The following KLHL4 variants were observed in gnomAD, a reference collection of about 807,000 sequenced individuals.
KLHL4 encodes kelch-like protein 4.
A neutral mutation model predicts 45.8 loss-of-function variants in KLHL4; 17 were observed. That is an observed-to-expected ratio of 0.37 (90% CI 0.25 to 0.56). The LOEUF is 0.56. Among genes scored for constraint, KLHL4 ranks in the 20% least tolerant of loss-of-function variants. The pLI is 0.79. For missense variants in KLHL4, 544 were observed against 544.9 expected (o/e 1.00, Z 0.02); for synonymous variants, 224 against 189.9 (o/e 1.18, Z -1.47).
At chrX:87,521,399 C>G (rs189178824) in intron 1 of KLHL4, among the ~76,000 whole-genome samples, 35 of 111,595 alleles carry the variant, frequency 3.1e-4, no homozygotes, top group Admixed American at 2.9e-3. Flanking sequence ...GTTCCAGGCA[C>G]TCTTCTAGAT....
chrX:87,530,672 C>A (rs1193167360), intron 1 of KLHL4, among the ~76,000 whole-genome samples: 1 of 106,677 alleles, frequency 9.4e-6, no homozygotes, highest in Non-Finnish European at 1.9e-5. Context: ...GTCTATCATT[C>A]TTGGACATTT....
intron 1 of KLHL4, among the ~76,000 whole-genome samples, chrX:87,524,445 T>G (rs1463633520): frequency 9.0e-6 from 1 of 111,701 alleles, no homozygotes; most frequent in Admixed American, 9.6e-5. Context: ...GTATGTACAC[T>G]TAGTGTGATG....
intron 3 of KLHL4, among the ~76,000 whole-genome samples, chrX:87,615,349 A>C (rs753905006): frequency 7.2e-5 from 8 of 111,885 alleles, no homozygotes; most frequent in Non-Finnish European, 1.5e-4. Context: ...TTTGCATTTT[A>C]AATGTATCTA....
chrX:87,538,287 G>C (rs1323680650), intron 1 of KLHL4, among the ~76,000 whole-genome samples: 2 of 111,182 alleles, frequency 1.8e-5, no homozygotes, highest in African/African-American at 6.5e-5. Flanking sequence ...ATATATGTTA[G>C]GGATGACTAT....
chrX:87,539,035 A>G (rs748157214), intron 1 of KLHL4, among the ~76,000 whole-genome samples: 1 of 111,858 alleles, frequency 8.9e-6, no homozygotes, highest in South Asian at 3.7e-4. Context: ...TTTGAAAGGA[A>G]GTACTGCATA....
At chrX:87,606,603 A>T (rs1481511581) in intron 1 of KLHL4, among the ~76,000 whole-genome samples, 1 of 111,333 alleles carries the variant, frequency 9.0e-6, no homozygotes, top group Non-Finnish European at 1.9e-5. Context: ...ATTTGAGAAC[A>T]TAAAAAATGG....
In KLHL4 at chrX:87,624,931, C is replaced by T. The variant is rs192393190; in HGVS notation, c.1138-679C>T. 4.2e-4 allele frequency among the ~76,000 whole-genome samples: 47 copies of T among 112,327 alleles called. No homozygotes were observed. In the East Asian group the frequency reaches 0.012, roughly 28 times the overall value. On this transcript the variant is annotated intron_variant, in intron 5 of 10. Coordinates refer to ENST00000373119, the MANE Select transcript of KLHL4 (RefSeq NM_019117.5). ...ATGATACAGATACCATCCACCATGT[C>T]TGTTATTATTTTAACTGAGCATGTT...
At chrX:87,634,047 G>T (rs1923185011) in intron 8 of KLHL4, 136 bp downstream of exon 8, 2 of 455,212 alleles carry the variant, frequency 4.4e-6, no homozygotes, top group Non-Finnish European at 7.1e-6. Context: ...GGTCTTCATT[G>T]GAACTCTCCA....
intron 6 of KLHL4, 30 bp from the exon 7 acceptor site, chrX:87,632,180 T>C (rs1923116425): frequency 1.0e-6 from 1 of 957,918 alleles, no homozygotes; most frequent in African/African-American, 1.9e-5. Context: ...TAGAAGTAGA[T>C]TTTACCGTTG....
intron 3 of KLHL4, among the ~76,000 whole-genome samples, chrX:87,617,174 T>C (rs757889640): frequency 1.2e-4 from 13 of 109,935 alleles, no homozygotes; most frequent in Admixed American, 2.0e-4. Context: ...TGATTCTGTT[T>C]TGTAAAATTC....
intron 1 of KLHL4, among the ~76,000 whole-genome samples, chrX:87,611,713 G>C (rs887747057): frequency 9.8e-5 from 7 of 71,319 alleles, no homozygotes; most frequent in African/African-American, 3.7e-4. Context: ...CACTATTTTA[G>C]AGTGTATTCC....
At chrX:87,653,370 T>A (rs1449038638) in intron 9 of KLHL4, among the ~76,000 whole-genome samples, 1 of 111,727 alleles carries the variant, frequency 9.0e-6, no homozygotes, top group African/African-American at 3.3e-5. Context: ...CCAACAAACA[T>A]GAAAAAAAGC....
intron 5 of KLHL4, among the ~76,000 whole-genome samples, chrX:87,623,990 C>A (rs929404178): frequency 2.7e-5 from 3 of 112,069 alleles, no homozygotes; most frequent in African/African-American, 9.7e-5. Context: ...ACCCAGTTAA[C>A]CAATTTCATG....
intron 1 of KLHL4, among the ~76,000 whole-genome samples, chrX:87,604,309 A>G (rs1018844633): frequency 4.5e-5 from 5 of 111,240 alleles, no homozygotes; most frequent in African/African-American, 1.6e-4. Flanking sequence ...TTCATATGGT[A>G]GTACTATTTG....
chrX:87,651,783 A>G (rs932751754), intron 9 of KLHL4, among the ~76,000 whole-genome samples: 1 of 111,780 alleles, frequency 8.9e-6, no homozygotes, highest in African/African-American at 3.2e-5. Context: ...CAGGTGCACA[A>G]TGCAAGCTGT....
At chrX:87,537,850 A>G (rs1346212644) in intron 1 of KLHL4, among the ~76,000 whole-genome samples, 1 of 111,438 alleles carries the variant, frequency 9.0e-6, no homozygotes, top group Non-Finnish European at 1.9e-5. Flanking sequence ...AATGTCAAGC[A>G]TTTTAAGAAT....
In KLHL4 at chrX:87,625,474, A is replaced by G. The variant is rs1372125980; in HGVS notation, c.1138-136A>G. The G allele has an allele frequency of 1.1e-4, 48 of 435,251 alleles. 2 individuals are homozygous for G. In the Admixed American group the frequency reaches 2.3e-3, roughly 21 times the overall value. 35.9% of individuals were successfully genotyped at this position (435,251 alleles called of 1,213,427 possible). A position where few individuals can be genotyped will look rare whatever the true frequency, so the allele number is the denominator to read the frequency against. The stretch of plus-strand genomic sequence containing the variant: ...TCAAACTCCTGAGCTCCAGCGTTCT[A>G]CACACCTTGGCCTCCCAAAGTGCTG... On this transcript the variant is annotated intron_variant, in intron 5 of 10. Coordinates refer to ENST00000373119, the MANE Select transcript of KLHL4 (RefSeq NM_019117.5).
chrX:87,640,456 A>G (rs1381936418), intron 9 of KLHL4, among the ~76,000 whole-genome samples: 1 of 111,981 alleles, frequency 8.9e-6, no homozygotes, highest in Non-Finnish European at 1.9e-5. Context: ...ATACTAGTTA[A>G]CAGAATCCAA....
rs1476815667 is a variant in KLHL4 at position 87,623,273 on chromosome X, G to A, written c.1137+850G>A. Among the ~76,000 whole-genome samples, 3 of 91,597 alleles carry A rather than the reference G, an allele frequency of 3.3e-5. No individual in the cohort carries two copies. In the Admixed American group the frequency reaches 3.7e-4, roughly 11 times the overall value. The allele number at this position is 91,597 out of a possible 115,157, so 79.5% of individuals were successfully genotyped here. On this transcript the variant is annotated intron_variant, in intron 5 of 10. Coordinates refer to ENST00000373119, the MANE Select transcript of KLHL4 (RefSeq NM_019117.5). ...AAAAATAGATTGTTAATCTGTTGAT[G>A]ATTTTTCCTTTTTTCTTTTTTTTTT...
Sources: gnomAD v4.1 joint callset for allele counts (sites outside exome capture counted in the v4.1 genomes callset) on GRCh38, gnomAD v4.1.1 for gene constraint, MANE v1.5 for transcripts, NCBI Gene and HGNC (gene_info 2026-07-23, HGNC 2026-07-21) for gene names.